Variants in PTPRD observed in about 807,000 individuals in gnomAD.
PTPRD encodes receptor-type tyrosine-protein phosphatase delta.
In PTPRD, 34 loss-of-function variants were observed where a neutral mutation model predicts 214.5. The ratio of observed to expected loss-of-function variants is 0.16; its 90% confidence interval spans 0.12 to 0.21. The LOEUF (loss-of-function observed/expected upper bound fraction) is 0.21. PTPRD is among the 10% of genes least tolerant of loss of function. PTPRD has a pLI of 1.00. For synonymous variants in PTPRD, 1,128 were observed against 845.7 expected, an observed-to-expected ratio of 1.33 and a Z score of -5.79; for missense variants, 2,545 against 2,398.7, an observed-to-expected ratio of 1.06 and a Z score of -1.27.
At chr9:10,418,497 ACTT>A (rs2098515744) in intron 2 of PTPRD, among the ~76,000 whole-genome samples, 5 of 135,118 alleles carry the variant, frequency 3.7e-5, no homozygotes, top group Admixed American at 7.8e-5. Context: ...ACACACACAC[ACTT>A]CATATCCTTC....
chr9:8,814,479 C>A (rs74702319), intron 11 of PTPRD, among the ~76,000 whole-genome samples: 6,585 of 152,032 alleles, frequency 0.043, 269 homozygotes, highest in African/African-American at 0.092. Flanking sequence ...AATAGGAAGA[C>A]CCCAGAAAGG....
At chr9:9,863,322 G>T (rs2153695390) in intron 5 of PTPRD, among the ~76,000 whole-genome samples, 1 of 152,238 alleles carries the variant, frequency 6.6e-6, no homozygotes, top group African/African-American at 2.4e-5. Flanking sequence ...AATTGATAAA[G>T]GAAAGAGTCA....
chr9:8,778,450 A>C (rs2095566891), intron 11 of PTPRD, among the ~76,000 whole-genome samples: 1 of 152,182 alleles, frequency 6.6e-6, no homozygotes, highest in Non-Finnish European at 1.5e-5. Context: ...ACCTCTGGAT[A>C]ACAGAGCGAC....
chr9:9,368,639 T>C (rs960295888), intron 9 of PTPRD, among the ~76,000 whole-genome samples: 18 of 151,890 alleles, frequency 1.2e-4, no homozygotes, highest in South Asian at 2.1e-4. Flanking sequence ...CTTGAAATCA[T>C]TTTGGTGGAC....
intron 2 of PTPRD, among the ~76,000 whole-genome samples, chr9:10,566,916 ATTTCT>A (rs1245650141): frequency 2.0e-5 from 3 of 152,000 alleles, no homozygotes; most frequent in Admixed American, 1.3e-4. Context: ...CTATTAAAAC[ATTTCT>A]TTTCATTTTC....
intron 9 of PTPRD, among the ~76,000 whole-genome samples, chr9:9,374,005 A>C (rs2060174137): frequency 6.6e-6 from 1 of 152,072 alleles, no homozygotes; most frequent in Admixed American, 6.6e-5. Context: ...CAGGCATTTT[A>C]ATGAGCTTAT....
At chr9:8,782,477 C>CCT in intron 11 of PTPRD, among the ~76,000 whole-genome samples, 1 of 152,212 alleles carries the variant, frequency 6.6e-6, no homozygotes, top group Middle Eastern at 3.4e-3. Context: ...TTTATATCCT[C>CCT]AATTTCTTTT....
At chr9:9,608,412 T>G (rs1028948686) in intron 7 of PTPRD, among the ~76,000 whole-genome samples, 1 of 152,158 alleles carries the variant, frequency 6.6e-6, no homozygotes, top group South Asian at 2.1e-4. Context: ...GGCTGTCCAG[T>G]AAGGGAAAAT....
chr9:9,598,469 A>C (rs943352496), intron 7 of PTPRD, among the ~76,000 whole-genome samples: 4 of 151,988 alleles, frequency 2.6e-5, no homozygotes, highest in African/African-American at 9.7e-5. Flanking sequence ...TTAAAAAAAC[A>C]GTTACTTTTA....
chr9:8,777,093 C>A (rs999252024), intron 11 of PTPRD, among the ~76,000 whole-genome samples: 1 of 151,636 alleles, frequency 6.6e-6, no homozygotes, highest in Non-Finnish European at 1.5e-5. Context: ...AGATCTTCCA[C>A]CTCAGCCTCC....
chr9:8,324,890 C>A (rs915301645), intron 44 of PTPRD, among the ~76,000 whole-genome samples: 2 of 152,124 alleles, frequency 1.3e-5, no homozygotes, highest in African/African-American at 4.8e-5. Context: ...TCTGCCGCAT[C>A]AGTGTCTTCT....
intron 9 of PTPRD, among the ~76,000 whole-genome samples, chr9:9,356,386 A>G (rs1478779989): frequency 6.6e-6 from 1 of 151,386 alleles, no homozygotes; most frequent in African/African-American, 2.4e-5. Context: ...GTTGTATAAC[A>G]GCACTGGACT....
chr9:8,947,044 T>G (rs2099069878), intron 11 of PTPRD, among the ~76,000 whole-genome samples: 1 of 124,194 alleles, frequency 8.1e-6, no homozygotes, highest in Non-Finnish European at 1.7e-5. Context: ...TTTTTTTTTG[T>G]GTGTGTGTCT....
intron 3 of PTPRD, among the ~76,000 whole-genome samples, chr9:10,306,188 C>T (rs747147739): frequency 1.3e-5 from 2 of 150,746 alleles, no homozygotes; most frequent in East Asian, 2.0e-4. Flanking sequence ...AACCAAACAC[C>T]GCATGTTCCC....
Position 9,580,376 on chromosome 9 carries a change from G to C in PTPRD, c.-286-5595C>G, listed in dbSNP as rs187532387. 9.2e-5 allele frequency among the ~76,000 whole-genome samples: 14 copies of C among 151,766 alleles called. No homozygotes were observed. In the East Asian group the frequency reaches 2.5e-3, roughly 27 times the overall value. ...TTTGTGTTCTTGCCAACACTTTTTT[G>C]TCTTTTTGTTAATAGCCATTCTGAT... On this transcript the variant is annotated intron_variant, in intron 7 of 45. Transcript: ENST00000381196.
intron 11 of PTPRD, among the ~76,000 whole-genome samples, chr9:8,852,389 G>A (rs192354291): frequency 2.0e-5 from 3 of 152,224 alleles, no homozygotes; most frequent in African/African-American, 7.2e-5. Context: ...TTATCTGAAT[G>A]TCAAGGAAGA....
chr9:10,491,865 TC>T (rs1208245284), intron 2 of PTPRD, among the ~76,000 whole-genome samples: 1 of 152,050 alleles, frequency 6.6e-6, no homozygotes, highest in African/African-American at 2.4e-5. Context: ...CCTCTCCTAG[TC>T]CCACACCCCA....
chr9:9,067,508 C>T (rs1041001362), intron 10 of PTPRD, among the ~76,000 whole-genome samples: 1 of 152,178 alleles, frequency 6.6e-6, no homozygotes, highest in African/African-American at 2.4e-5. Flanking sequence ...ACCTCTTCCT[C>T]TCAAGCTTTT....
At chr9:9,454,879 A>C (rs1192089320) in intron 8 of PTPRD, among the ~76,000 whole-genome samples, 1 of 151,344 alleles carries the variant, frequency 6.6e-6, no homozygotes, top group Admixed American at 6.6e-5. Flanking sequence ...ATTATGCATG[A>C]TTACTGGTTA....
Sources: allele counts gnomAD v4.1 joint callset (sites outside exome capture counted in the v4.1 genomes callset), GRCh38; gene constraint gnomAD v4.1.1; transcripts MANE v1.5; gene names NCBI Gene and HGNC (gene_info 2026-07-23, HGNC 2026-07-21).